Variants in EIF5B observed in about 807,000 individuals in gnomAD.
EIF5B encodes the protein eIF-5B.
In EIF5B, 47 loss-of-function variants were observed where a neutral mutation model predicts 147.5. The ratio of observed to expected loss-of-function variants is 0.32; its 90% CI spans 0.25 to 0.41. The LOEUF is 0.41. Among genes scored for constraint, EIF5B ranks in the 10% least tolerant of loss-of-function variants. The pLI, the probability that EIF5B is intolerant of heterozygous loss-of-function variation, is 1.00. For missense variants in EIF5B, 1,064 were observed against 1,413.2 expected (o/e 0.75, Z 3.96); for synonymous variants, 455 against 456.2 (o/e 1.00, Z 0.03).
At position 99,337,563 on chromosome 2, in the gene EIF5B, G is replaced by A. The variant is rs2094245899; in HGVS notation, c.9G>A (p.Lys3=). Residue 3 remains lysine, a synonymous_variant, in exon 1 of 24, where the codon AAG becomes AAA. Transcript: ENST00000289371. ...AGCGCCATTGACAAGCAATGGGGAA[G>A]AAACAGAAAAACAAGAGCGAAGACA... is the stretch of plus-strand genomic sequence containing the variant. MG[K]KQKNKSEDST... 1.9e-6 allele frequency: 3 copies of A among 1,613,170 alleles called. No individual in the cohort carries two copies. In the East Asian group the frequency reaches 6.7e-5, roughly 36 times the overall value.
chr2:99,373,248 A>G (rs1208989792), intron 9 of EIF5B, among the ~76,000 whole-genome samples: 1 of 152,210 alleles, frequency 6.6e-6, no homozygotes, highest in African/African-American at 2.4e-5. Flanking sequence ...GCTGTAACAA[A>G]ATACCACAGA....
intron 18 of EIF5B, among the ~76,000 whole-genome samples, chr2:99,393,487 C>T (rs1471349383): frequency 6.6e-6 from 1 of 151,244 alleles, no homozygotes; most frequent in Non-Finnish European, 1.5e-5. Context: ...ACCTGGGTGA[C>T]AGCAGGACCC....
Position 99,337,497 on chromosome 2 carries a change from A to AGTGGGTCTGTGAGAGACC in EIF5B, c.-56_-39dup, listed in dbSNP as rs2094245704. 1.3e-6 allele frequency: 2 copies of AGTGGGTCTGTGAGAGACC among 1,592,662 alleles called. No individual in the cohort carries two copies. The highest frequency in any genetic ancestry group is 1.7e-6 in the Non-Finnish European group (2 of 1,169,472). On this transcript the variant is annotated 5_prime_UTR_variant, in exon 1 of 24. Transcript: ENST00000289371. ...CGGAGACCAAAGTCAGCCGGGAGAC[A>AGTGGGTCTGTGAGAGACC]GTGGGTCTGTGAGAGACCGAATAGA...
chr2:99,345,642 C>CTTGT, intron 1 of EIF5B, among the ~76,000 whole-genome samples: 1 of 150,504 alleles, frequency 6.6e-6, no homozygotes, highest in Non-Finnish European at 1.5e-5. Flanking sequence ...CTGGTTGCCA[C>CTTGT]TTGTAGAACA....
intron 13 of EIF5B, 62 bp downstream of exon 13, chr2:99,382,288 T>C: frequency 1.4e-6 from 2 of 1,418,836 alleles, no homozygotes; most frequent in Non-Finnish European, 2.0e-6. Context: ...AGTCTAAAAG[T>C]TCAGCAGAGT....
rs202087026 is a variant in EIF5B, at chr2:99,360,232, T to G, written c.36-4T>G. The G allele has an allele frequency of 9.6e-5, 152 of 1,576,884 alleles. No individual in the cohort carries two copies. Among genetic ancestry groups the G allele is most frequent in the Non-Finnish European group, 2.6e-5 (30 of 1,169,638 alleles). On this transcript the variant is annotated splice_region_variant and splice_polypyrimidine_tract_variant and intron_variant, in intron 1 of 23. Transcript: ENST00000289371. ...CATTTAGGATGTTTTTGTTTTCATT[T>G]AAGCACCAAGGATGACATTGATCTT...
intron 1 of EIF5B, among the ~76,000 whole-genome samples, chr2:99,351,637 C>T (rs1673964617): frequency 6.6e-6 from 1 of 151,988 alleles, no homozygotes; most frequent in Non-Finnish European, 1.5e-5. Context: ...GTATTATTAC[C>T]AATCTTCAAT....
intron 18 of EIF5B, among the ~76,000 whole-genome samples, chr2:99,393,977 T>G (rs1187105021): frequency 6.6e-6 from 1 of 152,218 alleles, no homozygotes; most frequent in Admixed American, 6.5e-5. Flanking sequence ...TTTTCTTCTC[T>G]ACTGTTTAAT....
intron 17 of EIF5B, among the ~76,000 whole-genome samples, chr2:99,391,726 G>C (rs1674934392): frequency 1.4e-5 from 2 of 148,096 alleles, no homozygotes. Flanking sequence ...TTTATAGCTG[G>C]CTCTTTTTTT....
At position 99,338,798 on chromosome 2, in the gene EIF5B, A is replaced by G. The variant is rs534418434; in HGVS notation, c.35+1209A>G. Among the ~76,000 whole-genome samples, 10 of 151,834 alleles carry G rather than the reference A, an allele frequency of 6.6e-5. No individual in the cohort carries two copies. In the South Asian group the frequency reaches 2.1e-3, roughly 32 times the overall value. On this transcript the variant is annotated intron_variant, in intron 1 of 23. Transcript: ENST00000289371. ...TGTATAGGGTACTTTTTTCCTTGCTAATGTTCAGCTGTCTCTAGAAAATAG... is the reference window on the plus strand; with the variant it reads ...TGTATAGGGTACTTTTTTCCTTGCTGATGTTCAGCTGTCTCTAGAAAATAG...
chr2:99,360,774 C>T (rs764860548), intron 3 of EIF5B, among the ~76,000 whole-genome samples: 2 of 152,156 alleles, frequency 1.3e-5, no homozygotes, highest in African/African-American at 2.4e-5. Context: ...TGTAATCACT[C>T]GTTCCATCTT....
chr2:99,367,507 G>A (rs1223311841), intron 6 of EIF5B, among the ~76,000 whole-genome samples: 1 of 150,836 alleles, frequency 6.6e-6, no homozygotes, highest in East Asian at 1.9e-4. Flanking sequence ...CGCAATCTCA[G>A]CCCACTGCAA....
intron 1 of EIF5B, among the ~76,000 whole-genome samples, chr2:99,339,137 C>A (rs560688492): frequency 3.4e-4 from 52 of 151,358 alleles, no homozygotes; most frequent in African/African-American, 1.2e-3. Context: ...GCCTCAGCCT[C>A]CGAGTAGCTA....
At chr2:99,377,266 T>TA (rs1674585318) in intron 10 of EIF5B, among the ~76,000 whole-genome samples, 1 of 152,114 alleles carries the variant, frequency 6.6e-6, no homozygotes, top group South Asian at 2.1e-4. Flanking sequence ...TTTTTTGTTT[T>TA]ACTACCTATA....
chr2:99,374,847 C>T (rs1674530664), intron 9 of EIF5B, among the ~76,000 whole-genome samples: 1 of 151,926 alleles, frequency 6.6e-6, no homozygotes, highest in Admixed American at 6.6e-5. Context: ...CCAATGATGT[C>T]TCTGATAGGC....
In EIF5B at chr2:99,398,751, G is replaced by A; in HGVS notation, c.3397G>A (p.Val1133Ile). 6.2e-7 allele frequency: 1 copy of A among 1,608,296 alleles called. No homozygotes were observed. Among genetic ancestry groups the A allele is most frequent in the Non-Finnish European group, 8.5e-7 (1 of 1,177,992 alleles). Residue 1133 changes from valine to isoleucine, a missense_variant, in exon 23 of 24, where the codon GTT becomes ATT. Val to Ile is a conservative substitution (Grantham distance 29). This residue lies in a region of EIF5B where 380 missense variants were observed against 715.6 expected (regional missense o/e 0.53). Coordinates refer to ENST00000289371, the MANE Select transcript of EIF5B (RefSeq NM_015904.4). ...TPMCVPSKNF[V>I]DIGIVTSIEI... is the part of the protein sequence containing the mutation. ...TTAATTTGTTCTTATTTTATAGTTTGTTGACATCGGAATAGTAACAAGTAT... is the reference window on the plus strand; with the variant it reads ...TTAATTTGTTCTTATTTTATAGTTTATTGACATCGGAATAGTAACAAGTAT...
At position 99,379,403 on chromosome 2, in the gene EIF5B, A is replaced by G. The variant is rs1262542835; in HGVS notation, c.2036A>G (p.Asn679Ser). 6.2e-7 allele frequency: 1 copy of G among 1,612,950 alleles called. No individual in the cohort carries two copies. Among genetic ancestry groups the G allele is most frequent in the East Asian group, 2.2e-5 (1 of 44,860 alleles). The change falls in exon 12 of 24, where the codon AAT (asparagine) becomes AGT (serine). Residue 679 changes from asparagine (N) to serine (S), a missense_variant. This residue lies in a region of EIF5B where 380 missense variants were observed against 715.6 expected (regional missense o/e 0.53). Coordinates refer to ENST00000289371, the MANE Select transcript of EIF5B (RefSeq NM_015904.4). ...ACCAATGTTCCTCTTGAAGCTATTA[A>G]TGAACAGACTAAGATGATTAAAAAT... ...GATNVPLEAI[N>S]EQTKMIKNFD...
intron 1 of EIF5B, among the ~76,000 whole-genome samples, chr2:99,351,037 G>A (rs557132455): frequency 6.6e-6 from 1 of 152,296 alleles, no homozygotes; most frequent in South Asian, 2.1e-4. Flanking sequence ...TATAAAAATG[G>A]ATAAAAGGGC....
Position 99,386,535 on chromosome 2 carries a change from GT to G in EIF5B, c.2272-3172del, listed in dbSNP as rs1194174885. ...ACTGTCTCTTGCTGTGTGTGTGTGTGTTTTTTTTTTTGGAGACCATCTCTTG... is the reference window on the plus strand; with the variant it reads ...ACTGTCTCTTGCTGTGTGTGTGTGTGTTTTTTTTTTGGAGACCATCTCTTG... On this transcript the variant is annotated intron_variant, in intron 14 of 23. Coordinates refer to ENST00000289371, the MANE Select transcript of EIF5B (RefSeq NM_015904.4). Among the ~76,000 whole-genome samples the G allele has an allele frequency of 2.4e-3, 337 of 140,636 alleles. 3 individuals are homozygous for G. Among genetic ancestry groups the G allele is most frequent in the African/African-American group, 8.0e-3 (309 of 38,686 alleles). 92.3% of individuals were successfully genotyped at this position (140,636 alleles called of 152,430 possible). A position where few individuals can be genotyped will look rare whatever the true frequency, so the allele number is the denominator to read the frequency against.
Sources: allele counts gnomAD v4.1 joint callset (sites outside exome capture counted in the v4.1 genomes callset), GRCh38; gene constraint gnomAD v4.1.1; regional missense constraint gnomAD v4.1.1; transcripts MANE v1.5; gene names NCBI Gene and HGNC (gene_info 2026-07-23, HGNC 2026-07-21).